Variants in HIPK2 observed in about 807,000 individuals in gnomAD.
HIPK2 encodes the protein homeodomain interacting protein kinase 2.
A neutral mutation model predicts 113.7 loss-of-function variants in HIPK2; 27 were observed. The observed-to-expected ratio is 0.24, with a 90% CI of 0.17 to 0.33. The LOEUF (loss-of-function observed/expected upper bound fraction) is 0.33, where lower values mean the gene tolerates loss of function less well. Among genes scored for constraint, HIPK2 ranks in the 10% least tolerant of loss-of-function variants. HIPK2 has a pLI of 1.00. For missense variants in HIPK2, 1,257 were observed against 1,588.0 expected (o/e 0.79, Z 3.54); for synonymous variants, 631 against 642.2 (o/e 0.98, Z 0.26).
At chr7:139,699,116 A>C (rs981473944) in intron 2 of HIPK2, among the ~76,000 whole-genome samples, 1 of 152,068 alleles carries the variant, frequency 6.6e-6, no homozygotes, top group South Asian at 2.1e-4. Flanking sequence ...CTGCCGACGC[A>C]CAGTAGCTTG....
At chr7:139,575,017 G>A in intron 14 of HIPK2, 111 bp downstream of exon 14, 2 of 1,382,654 alleles carry the variant, frequency 1.4e-6, no homozygotes, top group Non-Finnish European at 1.9e-6. Flanking sequence ...CCGTGGCCAG[G>A]ACTGCAGCCC....
At chr7:139,627,913 G>C (rs1428498767) in intron 5 of HIPK2, among the ~76,000 whole-genome samples, 1 of 152,194 alleles carries the variant, frequency 6.6e-6, no homozygotes, top group Non-Finnish European at 1.5e-5. Flanking sequence ...ATATATTAAA[G>C]TCCCAGTCCC....
At chr7:139,775,225 T>C (rs898163316) in intron 1 of HIPK2, among the ~76,000 whole-genome samples, 8 of 152,208 alleles carry the variant, frequency 5.3e-5, no homozygotes, top group Non-Finnish European at 8.8e-5. Context: ...AGGGAGTCCA[T>C]GTGCTCTGAT....
Position 139,683,677 on chromosome 7 carries a change from C to T in HIPK2, c.1103+32255G>A, listed in dbSNP as rs768371233. Among the ~76,000 whole-genome samples, 2 of 152,104 alleles carry T rather than the reference C, an allele frequency of 1.3e-5. No homozygotes were observed. The highest frequency in any genetic ancestry group is 2.4e-5 in the African/African-American group (1 of 41,402). On this transcript the variant is annotated intron_variant, in intron 2 of 14. Coordinates refer to ENST00000406875, the MANE Select transcript of HIPK2 (RefSeq NM_022740.5). This position sits in a 1 kb window ranked among gnomAD's most constrained non-coding sequence, Gnocchi z 4.2. ...CTGGAGGTTGGCTGCCACTGTCATA[C>T]CCTGGCAATGGCATTCATACCATTG...
At chr7:139,573,972 C>T (rs150921787) in intron 14 of HIPK2, among the ~76,000 whole-genome samples, 66 of 152,198 alleles carry the variant, frequency 4.3e-4, no homozygotes, top group African/African-American at 1.5e-3. Flanking sequence ...CTCCCAAGGA[C>T]GTACAGAAGC....
At chr7:139,620,750 G>C (rs1800207088) in intron 6 of HIPK2, 187 bp from the exon 7 acceptor site, 1 of 264,990 alleles carries the variant, frequency 3.8e-6, no homozygotes, top group African/African-American at 2.3e-5. Context: ...TTTGCAACAG[G>C]CACGGTTATT....
chr7:139,692,994 A>C (rs1290308877), intron 2 of HIPK2, among the ~76,000 whole-genome samples: 2 of 152,202 alleles, frequency 1.3e-5, no homozygotes, highest in Admixed American at 6.5e-5. Flanking sequence ...TGGGAACACG[A>C]CATTAGAACA....
rs1798065228 is a variant in HIPK2, at chr7:139,565,582, T to C, written c.*7345A>G. 1 of 152,244 alleles carries C rather than the reference T, an allele frequency of 6.6e-6. No homozygotes were observed. Among genetic ancestry groups the C allele is most frequent in the Non-Finnish European group, 1.5e-5 (1 of 68,046 alleles). 9.4% of individuals were successfully genotyped at this position (152,244 alleles called of 1,614,324 possible). A position where few individuals can be genotyped will look rare whatever the true frequency, so the allele number is the denominator to read the frequency against. On this transcript the variant is annotated 3_prime_UTR_variant, in exon 15 of 15. Transcript: ENST00000406875. ...ACCAGGGCAAGAGACACGCCTTCCT[T>C]TTATCATGAAAGCTGGCTGGTTTTC...
chr7:139,586,099 C>A (rs540025863), intron 12 of HIPK2, among the ~76,000 whole-genome samples: 162 of 152,110 alleles, frequency 1.1e-3, no homozygotes, highest in Middle Eastern at 3.4e-3. Flanking sequence ...TCAGATGAAT[C>A]GTACAGATGA....
chr7:139,697,605 A>G (rs1427431141), intron 2 of HIPK2, among the ~76,000 whole-genome samples: 1 of 152,088 alleles, frequency 6.6e-6, no homozygotes, highest in Non-Finnish European at 1.5e-5. Flanking sequence ...AAAAATAATT[A>G]AACAGAAAAT....
At chr7:139,625,777 C>T (rs1193421287) in intron 6 of HIPK2, among the ~76,000 whole-genome samples, 1 of 152,218 alleles carries the variant, frequency 6.6e-6, no homozygotes, top group East Asian at 1.9e-4. Flanking sequence ...ACCATTCTCT[C>T]TCTTACGGAC....
At chr7:139,608,475 A>C (rs570249409) in intron 9 of HIPK2, among the ~76,000 whole-genome samples, 1 of 151,718 alleles carries the variant, frequency 6.6e-6, no homozygotes, top group Non-Finnish European at 1.5e-5. Flanking sequence ...TATGGTATTA[A>C]TTAACTTTTA....
At chr7:139,670,751 C>CTTTTTTTTTTTTTTTTTTTTTT (rs1802244998) in intron 2 of HIPK2, among the ~76,000 whole-genome samples, 1 of 58,986 alleles carries the variant, frequency 1.7e-5, no homozygotes, top group Non-Finnish European at 3.7e-5. Context: ...TTCTTTCTTT[C>CTTTTTTTTTTTTTTTTTTTTTT]TTTCTTTCTT....
intron 2 of HIPK2, among the ~76,000 whole-genome samples, chr7:139,638,428 T>C (rs913294473): frequency 6.6e-6 from 1 of 152,100 alleles, no homozygotes; most frequent in East Asian, 1.9e-4. Context: ...ATCAATGACA[T>C]ACTCAGACCA....
chr7:139,607,095 A>C (rs1799644576), intron 9 of HIPK2, among the ~76,000 whole-genome samples: 1 of 152,188 alleles, frequency 6.6e-6, no homozygotes, highest in African/African-American at 2.4e-5. Context: ...CAGAGAACAA[A>C]CTCTTGGAAA....
chr7:139,680,373 C>A (rs917082797), intron 2 of HIPK2, among the ~76,000 whole-genome samples: 7 of 152,250 alleles, frequency 4.6e-5, no homozygotes, highest in Non-Finnish European at 1.0e-4. Flanking sequence ...GAGCCCTCCC[C>A]TGGGTGAACA....
intron 2 of HIPK2, among the ~76,000 whole-genome samples, chr7:139,673,046 G>A (rs996094780): frequency 1.3e-5 from 2 of 150,282 alleles, no homozygotes; most frequent in Admixed American, 1.3e-4. Flanking sequence ...GATTTGTGGA[G>A]GACAGAAAGT....
At chr7:139,746,050 T>A (rs1796184850) in intron 1 of HIPK2, among the ~76,000 whole-genome samples, 1 of 152,202 alleles carries the variant, frequency 6.6e-6, no homozygotes, top group South Asian at 2.1e-4. Flanking sequence ...CGCATCCTGC[T>A]GGAACAGAAA....
intron 1 of HIPK2, among the ~76,000 whole-genome samples, chr7:139,736,199 G>A (rs1227378199): frequency 6.6e-6 from 1 of 152,168 alleles, no homozygotes; most frequent in African/African-American, 2.4e-5. Flanking sequence ...GGAAGGTGCA[G>A]ACAACAAACT....
Sources: gnomAD v4.1 joint callset for allele counts (sites outside exome capture counted in the v4.1 genomes callset) on GRCh38, gnomAD v4.1.1 for gene constraint, Gnocchi (gnomAD v3.1) non-coding constraint, MANE v1.5 for transcripts, NCBI Gene and HGNC (gene_info 2026-07-23, HGNC 2026-07-21) for gene names.